TFAP2D: variants seen among roughly 807,000 people sequenced by gnomAD.
The protein encoded by TFAP2D is transcription factor AP-2-delta.
Under a neutral mutation model 43.6 loss-of-function variants are expected in TFAP2D, and 9 were observed. That is an observed-to-expected ratio of 0.21 (90% CI 0.12 to 0.36). The LOEUF (loss-of-function observed/expected upper bound fraction) is 0.36, where lower values mean the gene tolerates loss of function less well. Ranked by LOEUF, TFAP2D falls within the 10% of genes least tolerant of loss-of-function variation. TFAP2D has a pLI of 1.00. For missense variants in TFAP2D, 513 were observed against 561.4 expected (o/e 0.91, Z 0.87); for synonymous variants, 256 against 224.9 (o/e 1.14, Z -1.24).
At chr6:50,723,696 G>T (rs1031134849) in intron 3 of TFAP2D, among the ~76,000 whole-genome samples, 7 of 152,080 alleles carry the variant, frequency 4.6e-5, no homozygotes, top group African/African-American at 1.5e-4. Flanking sequence ...CTTTGTGGGC[G>T]TTGGGGGTTG....
chr6:50,766,814 G>A (rs1389558504), intron 7 of TFAP2D, among the ~76,000 whole-genome samples: 3 of 151,324 alleles, frequency 2.0e-5, no homozygotes, highest in Non-Finnish European at 3.0e-5. Context: ...GACTACAGGT[G>A]CCCGCCACCG....
At chr6:50,721,400 G>T (rs1768722271) in intron 3 of TFAP2D, among the ~76,000 whole-genome samples, 1 of 152,178 alleles carries the variant, frequency 6.6e-6, no homozygotes, top group African/African-American at 2.4e-5. Context: ...TTGGAGAGGA[G>T]GGTGTGTGTC....
intron 7 of TFAP2D, among the ~76,000 whole-genome samples, chr6:50,758,540 G>A (rs76038540): frequency 6.6e-6 from 1 of 151,716 alleles, no homozygotes; most frequent in South Asian, 2.1e-4. Flanking sequence ...TTCCTTCAGG[G>A]TTCCACATGT....
intron 7 of TFAP2D, among the ~76,000 whole-genome samples, chr6:50,770,458 G>A (rs769584144): frequency 3.9e-5 from 6 of 152,032 alleles, no homozygotes; most frequent in Non-Finnish European, 8.8e-5. Context: ...TGGAGGCTCA[G>A]GGAAGAAAGA....
chr6:50,727,965 T>C (rs541959885), intron 3 of TFAP2D, among the ~76,000 whole-genome samples: 32 of 152,232 alleles, frequency 2.1e-4, no homozygotes, highest in African/African-American at 7.7e-4. Context: ...GTCGACTGCC[T>C]GAGGATAGGG....
In TFAP2D at chr6:50,715,743, T is replaced by TCACACACACA. The variant is rs1327376048; in HGVS notation, c.537+131_537+132insACACACACAC. On this transcript the variant is annotated intron_variant, in intron 2 of 7. Coordinates refer to ENST00000008391, the MANE Select transcript of TFAP2D (RefSeq NM_172238.4). The stretch of plus-strand genomic sequence containing the variant: ...TCTCCTCTCTCTCTCTCTCTCTCTC[T>TCACACACACA]CTCTCTCACACACACACACACACAC... The TCACACACACA allele has an allele frequency of 5.9e-6, 4 of 675,994 alleles. No homozygotes were observed. In the African/African-American group the frequency reaches 8.5e-5, roughly 14 times the overall value. The allele number at this position is 675,994 out of a possible 1,614,324, so 41.9% of individuals were successfully genotyped here.
chr6:50,732,062 C>G (rs969380639), intron 5 of TFAP2D, among the ~76,000 whole-genome samples: 1 of 152,000 alleles, frequency 6.6e-6, no homozygotes, highest in Admixed American at 6.6e-5. Context: ...TTGGATTGAC[C>G]GTGTTTTTGA....
intron 7 of TFAP2D, among the ~76,000 whole-genome samples, chr6:50,761,200 C>T (rs944320544): frequency 3.3e-5 from 5 of 149,380 alleles, no homozygotes; most frequent in African/African-American, 1.2e-4. Flanking sequence ...AATAATAACC[C>T]AAACACCATT....
At position 50,757,750 on chromosome 6, in the gene TFAP2D, T is replaced by TATTCTATATATATAGAATATATATAAA. The variant is rs1561940396; in HGVS notation, c.1139+6426_1139+6427insATTCTATATATATAGAATATATATAAA. Among the ~76,000 whole-genome samples the TATTCTATATATATAGAATATATATAAA allele has an allele frequency of 2.3e-4, 15 of 65,568 alleles. 1 individual carries two copies. The highest frequency in any genetic ancestry group is 8.8e-4 in the African/African-American group (15 of 17,050). The allele number at this position is 65,568 out of a possible 152,430, so 43.0% of individuals were successfully genotyped here. ...TATTCTATATATAGAATATATATAATTATTCTATATATATAGAATATATAT... is the reference window on the plus strand; with the variant it reads ...TATTCTATATATAGAATATATATAATATTCTATATATATAGAATATATATAAATATTCTATATATATAGAATATATAT... On this transcript the variant is annotated intron_variant, in intron 7 of 7. Transcript: ENST00000008391.
At chr6:50,739,836 G>T (rs1403683942) in intron 5 of TFAP2D, among the ~76,000 whole-genome samples, 1 of 152,162 alleles carries the variant, frequency 6.6e-6, no homozygotes, top group African/African-American at 2.4e-5. Flanking sequence ...CTAAGTGCAG[G>T]ATATTGAATG....
rs773602162 is a variant in TFAP2D at position 50,715,440 on chromosome 6, C to T, written c.364C>T (p.Leu122Phe). The change falls in exon 2 of 8, where the codon CTC (leucine) becomes TTC (phenylalanine). Residue 122 changes from leucine to phenylalanine, a missense_variant. Leu to Phe is a conservative substitution (Grantham distance 22). Transcript: ENST00000008391. ...TATTAACCTGCACAATGCGCGGGCG[C>T]TCAAGTCGTCCTGCCTGGACGAGCA... is the stretch of plus-strand genomic sequence containing the variant. ...DFINLHNARALKSSCLDEQRR... is the reference protein window; with the variant it reads ...DFINLHNARAFKSSCLDEQRR... The T allele has an allele frequency of 5.0e-6, 8 of 1,614,176 alleles. No individual in the cohort carries two copies. The highest frequency in any genetic ancestry group is 5.1e-6 in the Non-Finnish European group (6 of 1,180,046).
At chr6:50,742,197 A>G (rs1353627305) in intron 5 of TFAP2D, among the ~76,000 whole-genome samples, 6 of 152,008 alleles carry the variant, frequency 3.9e-5, no homozygotes, top group African/African-American at 1.2e-4. Context: ...CATGATATAC[A>G]CATTTTAACT....
Position 50,719,132 on chromosome 6 carries a change from G to T in TFAP2D, c.580G>T (p.Gly194Cys), listed in dbSNP as rs761960354. 6.2e-7 allele frequency: 1 copy of T among 1,613,994 alleles called. No homozygotes were observed. The highest frequency in any genetic ancestry group is 8.5e-7 in the Non-Finnish European group (1 of 1,179,918). The change falls in exon 3 of 8, where the codon GGT becomes TGT. Residue 194 changes from glycine to cysteine, a missense_variant. Physicochemically the swap from Gly to Cys is radical, Grantham distance 159. Coordinates refer to ENST00000008391, the MANE Select transcript of TFAP2D (RefSeq NM_172238.4). Reference protein sequence around the residue: ...AQCGLVLNGQGGVIRRGGTCV... With the variant: ...AQCGLVLNGQCGVIRRGGTCV... Reference sequence around the variant, plus strand: ...GTGTGGGCTTGTTCTCAATGGCCAAGGTGGAGTGATAAGAAGAGGTAAGTA... The same window carrying T: ...GTGTGGGCTTGTTCTCAATGGCCAATGTGGAGTGATAAGAAGAGGTAAGTA...
chr6:50,767,557 C>T (rs936720187), intron 7 of TFAP2D, among the ~76,000 whole-genome samples: 8 of 152,116 alleles, frequency 5.3e-5, no homozygotes, highest in Non-Finnish European at 1.0e-4. Flanking sequence ...TATTTAAGTC[C>T]TCTCATCACT....
At chr6:50,719,268 T>C in intron 3 of TFAP2D, 118 bp downstream of exon 3, 1 of 1,069,244 alleles carries the variant, frequency 9.4e-7, no homozygotes. Context: ...CAATTATGCT[T>C]AGTCAATTAT....
At chr6:50,723,476 A>T (rs1768761846) in intron 3 of TFAP2D, among the ~76,000 whole-genome samples, 1 of 152,200 alleles carries the variant, frequency 6.6e-6, no homozygotes, top group Non-Finnish European at 1.5e-5. Context: ...CGGATTCCAG[A>T]TGGATTACCT....
intron 5 of TFAP2D, among the ~76,000 whole-genome samples, chr6:50,730,206 C>CT (rs1561933787): frequency 1.3e-5 from 2 of 152,238 alleles, no homozygotes; most frequent in South Asian, 4.1e-4. Flanking sequence ...AACATCTATA[C>CT]TTTTTTTCAG....
At chr6:50,767,150 G>C (rs567516403) in intron 7 of TFAP2D, among the ~76,000 whole-genome samples, 2 of 152,122 alleles carry the variant, frequency 1.3e-5, no homozygotes, top group Non-Finnish European at 2.9e-5. Flanking sequence ...TTTCCTTTCT[G>C]ATTTGGATGC....
chr6:50,731,354 C>A (rs1308795013), intron 5 of TFAP2D, among the ~76,000 whole-genome samples: 1 of 151,900 alleles, frequency 6.6e-6, no homozygotes, highest in Admixed American at 6.6e-5. Context: ...GAATTCCAGG[C>A]ACATTGATGA....
Sources: gnomAD v4.1 joint callset for allele counts (sites outside exome capture counted in the v4.1 genomes callset) on GRCh38, gnomAD v4.1.1 for gene constraint, MANE v1.5 for transcripts, NCBI Gene and HGNC (gene_info 2026-07-23, HGNC 2026-07-21) for gene names.